ZNF490: variants seen among roughly 807,000 people sequenced by gnomAD.
ZNF490 encodes the protein zinc finger protein 490.
Under a neutral mutation model 17.7 loss-of-function variants are expected in ZNF490, and 11 were observed. The observed-to-expected ratio is 0.62, with a 90% confidence interval of 0.39 to 1.03. The LOEUF is 1.03. ZNF490 is among the 50% of genes least tolerant of loss of function. The pLI is 0.00. For missense variants in ZNF490, 542 were observed against 643.4 expected, an observed-to-expected ratio of 0.84 and a Z score of 1.71; for synonymous variants, 222 against 216.1, an observed-to-expected ratio of 1.03 and a Z score of -0.24.
intron 2 of ZNF490, among the ~76,000 whole-genome samples, chr19:12,588,150 C>T (rs903506515): frequency 1.4e-4 from 21 of 150,158 alleles, no homozygotes; most frequent in Admixed American, 8.0e-4. Flanking sequence ...AAGCGTGAGA[C>T]ACCATGCCTG....
At chr19:12,606,840 G>A (rs115786289) in intron 2 of ZNF490, among the ~76,000 whole-genome samples, 2,649 of 152,176 alleles carry the variant, frequency 0.017, 80 homozygotes, top group African/African-American at 0.059. Flanking sequence ...GAACAGCTTT[G>A]TGTTTTACTA....
rs1157783526 is a variant in ZNF490, at chr19:12,577,160, A to G, written c.*3325T>C. On this transcript the variant is annotated 3_prime_UTR_variant, in exon 5 of 5. Coordinates refer to ENST00000311437, the MANE Select transcript of ZNF490 (RefSeq NM_020714.3). ...TAGCACAGCTTTGTTGACTACACCT[A>G]TTAGAGGGAGTTACACAGAGGAAAA... 1.3e-5 allele frequency among the ~76,000 whole-genome samples: 2 copies of G among 152,164 alleles called. No individual in the cohort carries two copies. Among genetic ancestry groups the G allele is most frequent in the Non-Finnish European group, 2.9e-5 (2 of 68,030 alleles).
Position 12,610,773 on chromosome 19 carries a change from G to C in ZNF490, c.-93C>G. The C allele has an allele frequency of 7.7e-7, 1 of 1,304,540 alleles. No homozygotes were observed. The highest frequency in any genetic ancestry group is 1.1e-6 in the Non-Finnish European group (1 of 910,906). 80.8% of individuals were successfully genotyped at this position (1,304,540 alleles called of 1,614,324 possible). A position where few individuals can be genotyped will look rare whatever the true frequency, so the allele number is the denominator to read the frequency against. On this transcript the variant is annotated 5_prime_UTR_variant, in exon 1 of 5. Transcript: ENST00000311437. ...CTGCTTCAACACAATTGTCCACGGAGGGCACCAGTTCCGTCCCACCGGCGG... is the reference window on the plus strand; with the variant it reads ...CTGCTTCAACACAATTGTCCACGGACGGCACCAGTTCCGTCCCACCGGCGG...
chr19:12,580,390 A>G lies in ZNF490; in HGVS notation c.*95T>C, dbSNP rs990472883. On this transcript the variant is annotated 3_prime_UTR_variant, in exon 5 of 5. Coordinates refer to ENST00000311437, the MANE Select transcript of ZNF490 (RefSeq NM_020714.3). ...TTAGGACAACTGAAGGCTTAATCAC[A>G]CCGTTTACATTCCTTGAATTTCTCT... is the stretch of plus-strand genomic sequence containing the variant. 1 of 1,498,950 alleles carries G rather than the reference A, an allele frequency of 6.7e-7. No individual in the cohort carries two copies. The highest frequency in any genetic ancestry group is 1.4e-5 in the South Asian group (1 of 70,258). 92.9% of individuals were successfully genotyped at this position (1,498,950 alleles called of 1,614,324 possible). A position where few individuals can be genotyped will look rare whatever the true frequency, so the allele number is the denominator to read the frequency against.
chr19:12,592,101 G>A (rs1035909890), intron 2 of ZNF490, among the ~76,000 whole-genome samples: 1 of 152,224 alleles, frequency 6.6e-6, no homozygotes, highest in Non-Finnish European at 1.5e-5. Flanking sequence ...ACTTTGGGAG[G>A]CCAAGGAGGG....
intron 2 of ZNF490, among the ~76,000 whole-genome samples, chr19:12,599,326 T>C (rs1003055405): frequency 1.3e-5 from 2 of 151,730 alleles, no homozygotes; most frequent in Non-Finnish European, 2.9e-5. Flanking sequence ...AAAAGAGGGA[T>C]GTTTAGGACA....
rs1163171900 is a variant in ZNF490 at position 12,586,965 on chromosome 19, G to A, written c.163-3409C>T. Among the ~76,000 whole-genome samples, 3 of 90,292 alleles carry A rather than the reference G, an allele frequency of 3.3e-5. 1 individual carries two copies. The highest frequency in any genetic ancestry group is 2.1e-4 in the East Asian group (1 of 4,804). 59.2% of individuals were successfully genotyped at this position (90,292 alleles called of 152,430 possible). ...CATGCCTGTAATCCCAGCTACTCAC[G>A]AGGCAGGAGAATCACTTGAACTTGG... On this transcript the variant is annotated intron_variant, in intron 2 of 4. Coordinates refer to ENST00000311437, the MANE Select transcript of ZNF490 (RefSeq NM_020714.3).
intron 1 of ZNF490, among the ~76,000 whole-genome samples, chr19:12,609,509 C>T (rs1185993963): frequency 6.6e-6 from 1 of 151,878 alleles, no homozygotes; most frequent in African/African-American, 2.4e-5. Flanking sequence ...GCCTCAGCCT[C>T]CGAAGGAGCT....
chr19:12,610,785 C>A lies in ZNF490; in HGVS notation c.-105G>T. On this transcript the variant is annotated 5_prime_UTR_variant, in exon 1 of 5. Coordinates refer to ENST00000311437, the MANE Select transcript of ZNF490 (RefSeq NM_020714.3). ...AATTGTCCACGGAGGGCACCAGTTC[C>A]GTCCCACCGGCGGAAGCGAGATCTG... The A allele has an allele frequency of 8.3e-7, 1 of 1,199,692 alleles. No individual in the cohort carries two copies. Among genetic ancestry groups the A allele is most frequent in the East Asian group, 2.3e-5 (1 of 42,664 alleles). 74.3% of individuals were successfully genotyped at this position (1,199,692 alleles called of 1,614,324 possible). A position where few individuals can be genotyped will look rare whatever the true frequency, so the allele number is the denominator to read the frequency against.
chr19:12,604,952 G>A (rs1027110901), intron 2 of ZNF490, among the ~76,000 whole-genome samples: 1 of 151,978 alleles, frequency 6.6e-6, no homozygotes, highest in Non-Finnish European at 1.5e-5. Context: ...TCAGGAGTTC[G>A]AGACCAGCCT....
chr19:12,591,919 T>C (rs1263769528), intron 2 of ZNF490, among the ~76,000 whole-genome samples: 1 of 152,132 alleles, frequency 6.6e-6, no homozygotes, highest in Non-Finnish European at 1.5e-5. Context: ...TTTATGTTCA[T>C]GCCAAAACCT....
intron 2 of ZNF490, among the ~76,000 whole-genome samples, chr19:12,592,835 A>C (rs1471097085): frequency 6.6e-6 from 1 of 152,192 alleles, no homozygotes; most frequent in East Asian, 1.9e-4. Flanking sequence ...TTTCTCATCA[A>C]TTTTTCTGTA....
intron 2 of ZNF490, among the ~76,000 whole-genome samples, chr19:12,602,619 A>G (rs1296881903): frequency 6.7e-6 from 1 of 149,466 alleles, no homozygotes; most frequent in Admixed American, 6.7e-5. Flanking sequence ...CATCATGTAT[A>G]TTTCTTTTTT....
At chr19:12,591,314 T>C (rs2022868111) in intron 2 of ZNF490, among the ~76,000 whole-genome samples, 1 of 151,896 alleles carries the variant, frequency 6.6e-6, no homozygotes, top group Non-Finnish European at 1.5e-5. Flanking sequence ...CGCTTGAACC[T>C]GAGAAGCTGA....
intron 2 of ZNF490, 137 bp from the exon 3 acceptor site, chr19:12,583,693 G>C (rs1000782330): frequency 6.9e-6 from 5 of 724,522 alleles, no homozygotes; most frequent in African/African-American, 5.8e-5. Context: ...CAGAACTCTT[G>C]ACTCTTTCCA....
At chr19:12,599,139 C>CAAAAAAAGAAAAAAAAAAAAAA in intron 2 of ZNF490, among the ~76,000 whole-genome samples, 1 of 68,632 alleles carries the variant, frequency 1.5e-5, no homozygotes, top group Non-Finnish European at 2.4e-5. Context: ...GACTCTGTCT[C>CAAAAAAAGAAAAAAAAAAAAAA]AAAAAAAAAA....
At chr19:12,588,290 C>T (rs1210394303) in intron 2 of ZNF490, among the ~76,000 whole-genome samples, 1 of 152,180 alleles carries the variant, frequency 6.6e-6, no homozygotes, top group Non-Finnish European at 1.5e-5. Context: ...AACCACCATG[C>T]CCGGCCAACA....
chr19:12,608,798 CAG>C (rs1315947038), intron 2 of ZNF490, among the ~76,000 whole-genome samples: 4 of 152,078 alleles, frequency 2.6e-5, no homozygotes, highest in African/African-American at 9.6e-5. Context: ...TTTGTAGAGA[CAG>C]AGTCTCACTA....
rs1265381372 is a variant in ZNF490 at position 12,579,556 on chromosome 19, A to AAACGAAC, written c.*922_*928dup. On this transcript the variant is annotated 3_prime_UTR_variant, in exon 5 of 5. Transcript: ENST00000311437. ...TCAAAAAAAAAAAAAAAAAAAAGTAAAACGAACAATTTGGGAGGCCAAGGT... is the reference window on the plus strand; with the variant it reads ...TCAAAAAAAAAAAAAAAAAAAAGTAAAACGAACAACGAACAATTTGGGAGGCCAAGGT... 2 of 151,788 alleles carry AAACGAAC rather than the reference A, an allele frequency of 1.3e-5. No individual in the cohort carries two copies. Among genetic ancestry groups the AAACGAAC allele is most frequent in the South Asian group, 4.2e-4 (2 of 4,818 alleles). 9.4% of individuals were successfully genotyped at this position (151,788 alleles called of 1,614,324 possible).
Sources: allele counts gnomAD v4.1 joint callset (sites outside exome capture counted in the v4.1 genomes callset), GRCh38; gene constraint gnomAD v4.1.1; transcripts MANE v1.5; gene names NCBI Gene and HGNC (gene_info 2026-07-23, HGNC 2026-07-21).